The following BIRC6 variants were observed in gnomAD, a reference collection of about 807,000 sequenced individuals.
BIRC6 encodes baculoviral IAP repeat containing 6, also known as dual E2 ubiquitin-conjugating enzyme/E3 ubiquitin-protein ligase BIRC6.
BIRC6 carries 98 observed loss-of-function variants against 503.3 expected under a neutral mutation model. The ratio of observed to expected loss-of-function variants is 0.19; its 90% confidence interval spans 0.17 to 0.23. The LOEUF (loss-of-function observed/expected upper bound fraction) is 0.23. Ranked by LOEUF, BIRC6 falls within the 10% of genes least tolerant of loss-of-function variation. BIRC6 has a pLI of 1.00. For synonymous variants in BIRC6, 2,240 were observed against 2,078.7 expected (o/e 1.08, Z -2.11); for missense variants, 5,360 against 5,806.0 (o/e 0.92, Z 2.50).
At chr2:32,587,112 G>A (rs1312494789) in intron 66 of BIRC6, among the ~76,000 whole-genome samples, 2 of 152,226 alleles carry the variant, frequency 1.3e-5, no homozygotes, top group Non-Finnish European at 2.9e-5. Context: ...TAAGGGGCCG[G>A]ACATTGTGGC....
At chr2:32,549,240 G>T in intron 64 of BIRC6, 73 bp from the exon 65 acceptor site, 2 of 1,113,912 alleles carry the variant, frequency 1.8e-6, no homozygotes, top group African/African-American at 1.6e-5. Flanking sequence ...TATTCAGATT[G>T]AATTTCTAAC....
At chr2:32,549,622 G>A (rs2058300428) in intron 65 of BIRC6, 141 bp downstream of exon 65, 1 of 740,608 alleles carries the variant, frequency 1.4e-6, no homozygotes, top group East Asian at 3.3e-5. Context: ...TTGGTTTTTG[G>A]TGCCCTTAAT....
chr2:32,505,734 T>C (rs1310627189), intron 50 of BIRC6, among the ~76,000 whole-genome samples: 1 of 152,250 alleles, frequency 6.6e-6, no homozygotes, highest in East Asian at 1.9e-4. Context: ...GTTTGTTGCA[T>C]GTTCATTGAA....
chr2:32,450,856 A>T (rs932843513), intron 22 of BIRC6, among the ~76,000 whole-genome samples: 1 of 152,216 alleles, frequency 6.6e-6, no homozygotes, highest in African/African-American at 2.4e-5. Flanking sequence ...TTAATGCTAC[A>T]TGAGTACTTC....
At chr2:32,611,383 C>T in intron 72 of BIRC6, 65 bp from the exon 73 acceptor site, 1 of 1,385,608 alleles carries the variant, frequency 7.2e-7, no homozygotes, top group Non-Finnish European at 9.8e-7. Context: ...TTTGTAATGT[C>T]ATTTACTGTG....
rs909703051 is a variant in BIRC6, at chr2:32,392,971, A to G, written c.951+821A>G. On this transcript the variant is annotated intron_variant, in intron 5 of 73. Coordinates refer to ENST00000421745, the MANE Select transcript of BIRC6 (RefSeq NM_016252.4). ...TTTTTTTATAAAATCAACAAATAGT[A>G]TTCTTCAGATTTGGTTTCTGACAAG... 3.3e-5 allele frequency among the ~76,000 whole-genome samples: 5 copies of G among 152,090 alleles called. No individual in the cohort carries two copies. In the East Asian group the frequency reaches 9.6e-4, roughly 29 times the overall value.
intron 66 of BIRC6, among the ~76,000 whole-genome samples, chr2:32,593,354 A>G (rs1394134949): frequency 1.3e-5 from 2 of 152,206 alleles, no homozygotes; most frequent in Non-Finnish European, 2.9e-5. Context: ...ATGTGAAATG[A>G]AATTGGGTAC....
rs529416553 is a variant in BIRC6 at position 32,613,382 on chromosome 2, T to C, written c.14394+1800T>C. 2.0e-3 allele frequency among the ~76,000 whole-genome samples: 308 copies of C among 151,796 alleles called. 1 individual carries two copies. Among genetic ancestry groups the C allele is most frequent in the African/African-American group, 6.9e-3 (284 of 41,410 alleles). ...GTATTTTTATTTTCATTATTTATTT[T>C]ATTTATTTATTTATTTTAGATGTAA... On this transcript the variant is annotated intron_variant, in intron 73 of 73. Transcript: ENST00000421745.
At chr2:32,401,754 T>C in intron 8 of BIRC6, 131 bp downstream of exon 8, 1 of 759,880 alleles carries the variant, frequency 1.3e-6, no homozygotes, top group Non-Finnish European at 2.0e-6. Flanking sequence ...AGTAAATGTT[T>C]GGTTAGAAAT....
At chr2:32,430,541 C>T (rs1274591994) in intron 11 of BIRC6, among the ~76,000 whole-genome samples, 1 of 152,024 alleles carries the variant, frequency 6.6e-6, no homozygotes, top group Non-Finnish European at 1.5e-5. Flanking sequence ...CACTTTAGTA[C>T]CACTGCTTTT....
chr2:32,578,989 T>TATATATATATAC (rs1480624603), intron 66 of BIRC6, among the ~76,000 whole-genome samples: 1 of 89,654 alleles, frequency 1.1e-5, no homozygotes, highest in South Asian at 2.8e-4. Flanking sequence ...AATATATATA[T>TATATATATATAC]ACACTTAATA....
chr2:32,581,819 A>C (rs1460948361), intron 66 of BIRC6, among the ~76,000 whole-genome samples: 1 of 152,212 alleles, frequency 6.6e-6, no homozygotes, highest in African/African-American at 2.4e-5. Flanking sequence ...CATACATGTA[A>C]AATTGTGCAA....
chr2:32,525,108 T>TGTA, intron 58 of BIRC6, 89 bp downstream of exon 58: 1 of 1,124,244 alleles, frequency 8.9e-7, no homozygotes, highest in South Asian at 2.2e-5. Flanking sequence ...TGTAATACAT[T>TGTA]GTACTAATAT....
At chr2:32,508,516 A>C (rs976601584) in intron 51 of BIRC6, among the ~76,000 whole-genome samples, 1 of 151,850 alleles carries the variant, frequency 6.6e-6, no homozygotes, top group Non-Finnish European at 1.5e-5. Flanking sequence ...GTAGGTGTAC[A>C]TTGTAATTTT....
chr2:32,503,855 T>C (rs1023558605), intron 49 of BIRC6, among the ~76,000 whole-genome samples: 5 of 152,140 alleles, frequency 3.3e-5, no homozygotes, highest in Admixed American at 3.3e-4. Flanking sequence ...CAATTTTAAA[T>C]CTCATTTTCC....
At chr2:32,542,981 G>A (rs2057786541) in intron 61 of BIRC6, among the ~76,000 whole-genome samples, 2 of 151,768 alleles carry the variant, frequency 1.3e-5, no homozygotes, top group African/African-American at 4.9e-5. Flanking sequence ...TGTATTTTTA[G>A]TAGAGACGGT....
At position 32,499,829 on chromosome 2, in the gene BIRC6, A is replaced by G; in HGVS notation, c.8751A>G (p.Gln2917=). The change falls in exon 46 of 74, where the codon CAA becomes CAG. Residue 2917 remains glutamine, a synonymous_variant. Transcript: ENST00000421745. The part of the protein sequence containing the change: ...KAVCGEMTRD[Q]LMFDLLKLVN... ...TTTGTGGCGAAATGACAAGAGATCA[A>G]CTCATGTTTGATTTGTTAAAACTTG... The G allele has an allele frequency of 6.2e-7, 1 of 1,614,024 alleles. No homozygotes were observed. Among genetic ancestry groups the G allele is most frequent in the Non-Finnish European group, 8.5e-7 (1 of 1,179,898 alleles).
intron 70 of BIRC6, 32 bp from the exon 71 acceptor site, chr2:32,602,974 T>C: frequency 6.4e-7 from 1 of 1,571,712 alleles, no homozygotes; most frequent in African/African-American, 1.4e-5. Context: ...CACTCTTTTT[T>C]CAATTCTGTT....
chr2:32,574,166 T>C (rs1439743413), intron 65 of BIRC6, among the ~76,000 whole-genome samples: 4 of 150,778 alleles, frequency 2.7e-5, no homozygotes, highest in Non-Finnish European at 4.4e-5. Context: ...TTTTCTTTTT[T>C]TTTTTTTTTT....
Sources: gnomAD v4.1 joint callset for allele counts (sites outside exome capture counted in the v4.1 genomes callset) on GRCh38, gnomAD v4.1.1 for gene constraint, MANE v1.5 for transcripts, NCBI Gene and HGNC (gene_info 2026-07-23, HGNC 2026-07-21) for gene names.